NTNG1: variants seen among roughly 807,000 people sequenced by gnomAD.
The protein encoded by NTNG1 is netrin G1.
Under a neutral mutation model 54.0 loss-of-function variants are expected in NTNG1, and 16 were observed. The ratio of observed to expected loss-of-function variants is 0.30; its 90% CI spans 0.20 to 0.45. The LOEUF is 0.45. Ranked by LOEUF, NTNG1 falls within the 20% of genes least tolerant of loss-of-function variation. NTNG1 has a pLI of 1.00. For synonymous variants in NTNG1, 255 were observed against 263.1 expected (o/e 0.97, Z 0.30); for missense variants, 530 against 678.7 (o/e 0.78, Z 2.43).
At chr1:107,233,894 A>G (rs748375390) in intron 2 of NTNG1, among the ~76,000 whole-genome samples, 18 of 152,024 alleles carry the variant, frequency 1.2e-4, no homozygotes, top group Non-Finnish European at 2.6e-4. Context: ...ATTGGCATCT[A>G]CTCTAAAGCC....
chr1:107,472,823 A>T (rs557305251), intron 7 of NTNG1, among the ~76,000 whole-genome samples: 13 of 152,300 alleles, frequency 8.5e-5, no homozygotes, highest in Admixed American at 7.8e-4. Context: ...TTAGATAACA[A>T]TCTATAAAGT....
chr1:107,240,277 T>TA (rs1183542292), intron 2 of NTNG1, among the ~76,000 whole-genome samples: 284 of 125,170 alleles, frequency 2.3e-3, no homozygotes, highest in East Asian at 5.0e-3. Flanking sequence ...ATATCCTTAT[T>TA]TTTTTTTTTT....
At chr1:107,293,668 A>G (rs1395442225) in intron 2 of NTNG1, among the ~76,000 whole-genome samples, 3 of 152,200 alleles carry the variant, frequency 2.0e-5, no homozygotes, top group Non-Finnish European at 4.4e-5. Flanking sequence ...AAGTGGGGGT[A>G]TAATTGTTCA....
At chr1:107,146,291 TATAATGCC>T (rs1404553764) in intron 1 of NTNG1, among the ~76,000 whole-genome samples, 1 of 152,090 alleles carries the variant, frequency 6.6e-6, no homozygotes, top group Non-Finnish European at 1.5e-5. Context: ...CTGCTTCAGT[TATAATGCC>T]TCCATCCCCC....
intron 3 of NTNG1, among the ~76,000 whole-genome samples, chr1:107,338,063 C>T (rs1668692160): frequency 6.6e-6 from 1 of 151,900 alleles, no homozygotes; most frequent in South Asian, 2.1e-4. Context: ...ACTATAGGCC[C>T]TTGTAAAGTG....
intron 7 of NTNG1, 36 bp from the exon 8 acceptor site, chr1:107,480,575 C>CCCCCCCCCCCCCCCCCCCA: frequency 2.0e-6 from 1 of 512,238 alleles, no homozygotes; most frequent in Non-Finnish European, 3.8e-6. Context: ...CTCCTCCCCG[C>CCCCCCCCCCCCCCCCCCCA]GCCCACCCAC....
chr1:107,374,727 T>C lies in NTNG1; in HGVS notation c.888-20427T>C, dbSNP rs1671126639. On this transcript the variant is annotated intron_variant, in intron 3 of 7. Transcript: ENST00000370068. ...GATTTCAGTTGATTATTTGTGTCATTTTTCTGCTCCTTTGCATGACTGGCA... is the reference window on the plus strand; with the variant it reads ...GATTTCAGTTGATTATTTGTGTCATCTTTCTGCTCCTTTGCATGACTGGCA... 5.9e-5 allele frequency among the ~76,000 whole-genome samples: 9 copies of C among 152,312 alleles called. No individual in the cohort carries two copies. In the South Asian group the frequency reaches 1.7e-3, roughly 28 times the overall value.
chr1:107,319,614 A>C (rs1284578044), intron 2 of NTNG1, among the ~76,000 whole-genome samples: 7 of 152,086 alleles, frequency 4.6e-5, no homozygotes, highest in African/African-American at 1.7e-4. Flanking sequence ...GCCAGATGCA[A>C]ATGGGTGCAG....
intron 3 of NTNG1, among the ~76,000 whole-genome samples, chr1:107,370,451 C>A (rs746880089): frequency 1.3e-5 from 2 of 151,334 alleles, no homozygotes; most frequent in Non-Finnish European, 2.9e-5. Flanking sequence ...TGGTGCACCC[C>A]TCACCCAAGC....
At chr1:107,177,644 CT>C (rs1193573174) in intron 2 of NTNG1, among the ~76,000 whole-genome samples, 1 of 152,112 alleles carries the variant, frequency 6.6e-6, no homozygotes, top group Non-Finnish European at 1.5e-5. Context: ...TAAGAAGCAA[CT>C]TTTAAAGAAC....
At chr1:107,285,957 TA>T (rs529041372) in intron 2 of NTNG1, among the ~76,000 whole-genome samples, 90 of 152,108 alleles carry the variant, frequency 5.9e-4, no homozygotes, top group South Asian at 5.2e-3. Flanking sequence ...GAATTAACAA[TA>T]AAAAAATAAA....
chr1:107,354,740 A>G (rs1041129681), intron 3 of NTNG1, among the ~76,000 whole-genome samples: 1 of 152,028 alleles, frequency 6.6e-6, no homozygotes, highest in Non-Finnish European at 1.5e-5. Context: ...CCCTAGCATC[A>G]CTGAAAATTC....
At position 107,326,945 on chromosome 1, in the gene NTNG1, G is replaced by A. The variant is rs376075027; in HGVS notation, c.887+2023G>A. 4.5e-4 allele frequency among the ~76,000 whole-genome samples: 69 copies of A among 152,282 alleles called. No individual in the cohort carries two copies. In the South Asian group the frequency reaches 0.014, roughly 31 times the overall value. ...GCCATCTCCTAAAGGTGGTGTGTTGGAAATGTAGATTCCTTCATATCTATC... is the reference window on the plus strand; with the variant it reads ...GCCATCTCCTAAAGGTGGTGTGTTGAAAATGTAGATTCCTTCATATCTATC... On this transcript the variant is annotated intron_variant, in intron 3 of 7. Coordinates refer to ENST00000370068, the MANE Select transcript of NTNG1 (RefSeq NM_001113226.3).
intron 2 of NTNG1, among the ~76,000 whole-genome samples, chr1:107,165,823 A>G (rs988469941): frequency 5.3e-5 from 8 of 152,188 alleles, no homozygotes; most frequent in Non-Finnish European, 1.2e-4. Flanking sequence ...TAACCTCATG[A>G]AGAATCTGGC....
At chr1:107,407,914 A>C (rs1673551204) in intron 5 of NTNG1, 3 of 730,568 alleles carry the variant, frequency 4.1e-6, no homozygotes, top group South Asian at 4.1e-5. Context: ...CTCCATGAAC[A>C]TGGCAGTGCT....
intron 2 of NTNG1, among the ~76,000 whole-genome samples, chr1:107,154,538 G>A (rs1034062533): frequency 1.4e-5 from 2 of 141,494 alleles, no homozygotes; most frequent in African/African-American, 5.3e-5. Flanking sequence ...CAAGGCTGCA[G>A]TGAGCCAAGA....
intron 3 of NTNG1, among the ~76,000 whole-genome samples, chr1:107,326,068 G>C (rs1006646060): frequency 6.6e-6 from 1 of 152,090 alleles, no homozygotes; most frequent in Non-Finnish European, 1.5e-5. Context: ...TGGGAGAAAG[G>C]TCACTGCTGT....
intron 2 of NTNG1, among the ~76,000 whole-genome samples, chr1:107,265,964 C>T (rs1306273429): frequency 6.6e-6 from 1 of 152,136 alleles, no homozygotes; most frequent in African/African-American, 2.4e-5. Flanking sequence ...TTCCATCTTC[C>T]TGCTCCTTGT....
At chr1:107,285,588 A>G (rs147554018) in intron 2 of NTNG1, among the ~76,000 whole-genome samples, 1 of 152,258 alleles carries the variant, frequency 6.6e-6, no homozygotes, top group Non-Finnish European at 1.5e-5. Flanking sequence ...TCTGCATACA[A>G]TCAGCAATTT....
Sources: gnomAD v4.1 joint callset for allele counts (sites outside exome capture counted in the v4.1 genomes callset) on GRCh38, gnomAD v4.1.1 for gene constraint, MANE v1.5 for transcripts, NCBI Gene and HGNC (gene_info 2026-07-23, HGNC 2026-07-21) for gene names.